Variants in SLC3A1 observed in about 807,000 individuals in gnomAD.
The protein encoded by SLC3A1 is amino acid transporter heavy chain SLC3A1.
SLC3A1 carries 78 observed loss-of-function variants against 60.3 expected under a neutral mutation model. That is an observed-to-expected ratio of 1.29 (90% confidence interval 1.08 to 1.56). The LOEUF (loss-of-function observed/expected upper bound fraction) is 1.56, where lower values mean the gene tolerates loss of function less well. Among genes scored for constraint, SLC3A1 ranks in the 40% most tolerant of loss-of-function variants. The probability of loss-of-function intolerance (pLI) is 0.00; values close to 1 mark genes in which losing one functional copy is unlikely to be tolerated. For missense variants in SLC3A1, 1,172 were observed against 858.9 expected (o/e 1.36, Z -4.56); for synonymous variants, 392 against 307.9 (o/e 1.27, Z -2.86).
chr2:44,322,380 A>C (rs1407795217), downstream of SLC3A1, among the ~76,000 whole-genome samples: 1 of 152,232 alleles, frequency 6.6e-6, no homozygotes, highest in East Asian at 1.9e-4. Flanking sequence ...CAAAAATCTC[A>C]GAATCTGTCT....
chr2:44,281,278 C>A, intron 2 of SLC3A1, 109 bp from the exon 3 acceptor site: 1 of 948,284 alleles, frequency 1.1e-6, no homozygotes. Flanking sequence ...CCTACCTTAG[C>A]CTCCCAGTGT....
chr2:44,303,251 T>TTG (rs1485300431), intron 6 of SLC3A1, among the ~76,000 whole-genome samples: 14 of 150,246 alleles, frequency 9.3e-5, no homozygotes, highest in African/African-American at 3.2e-4. Context: ...TCCAATTTTT[T>TTG]TTTTTTTTTT....
chr2:44,309,120 TAC>T (rs1360310647), intron 7 of SLC3A1, among the ~76,000 whole-genome samples: 1 of 152,208 alleles, frequency 6.6e-6, no homozygotes, highest in African/African-American at 2.4e-5. Flanking sequence ...ATGCATTAAA[TAC>T]ATTCAAAATG....
downstream of SLC3A1, chr2:44,321,525 C>A: frequency 6.5e-7 from 1 of 1,545,846 alleles, no homozygotes; most frequent in South Asian, 1.2e-5. Flanking sequence ...TTTATCTATC[C>A]ATCTTTACCT....
chr2:44,284,139 G>A (rs1671558841), intron 3 of SLC3A1, among the ~76,000 whole-genome samples: 1 of 152,044 alleles, frequency 6.6e-6, no homozygotes, highest in Non-Finnish European at 1.5e-5. Context: ...GACTGCAGTG[G>A]CGTGATCTTG....
At chr2:44,303,921 T>A in intron 6 of SLC3A1, 1 of 621,096 alleles carries the variant, frequency 1.6e-6, no homozygotes, top group Non-Finnish European at 2.9e-6. Context: ...CATCCTTTTT[T>A]ATGGCTGCAT....
At chr2:44,313,974 T>C (rs765108377) in intron 9 of SLC3A1, 23 bp downstream of exon 9, 5 of 1,613,938 alleles carry the variant, frequency 3.1e-6, no homozygotes, top group Non-Finnish European at 4.2e-6. Flanking sequence ...GAAAATTTTA[T>C]GTTGATTCTA....
intron 7 of SLC3A1, 105 bp from the exon 8 acceptor site, chr2:44,312,481 C>T (rs1672322496): frequency 8.2e-7 from 1 of 1,213,648 alleles, no homozygotes; most frequent in South Asian, 1.2e-5. Flanking sequence ...TACCAAGGTA[C>T]CACATCTACT....
At chr2:44,296,500 G>C (rs1014983981) in intron 4 of SLC3A1, among the ~76,000 whole-genome samples, 2 of 152,172 alleles carry the variant, frequency 1.3e-5, no homozygotes, top group Non-Finnish European at 2.9e-5. Flanking sequence ...ACTGGGTAGA[G>C]ATTACTGGAG....
chr2:44,290,123 C>CTT (rs34642873), intron 4 of SLC3A1, among the ~76,000 whole-genome samples: 4,055 of 131,000 alleles, frequency 0.031, 96 homozygotes, highest in African/African-American at 0.049. Context: ...AGCTGTCCGA[C>CTT]TTTTTTTTTT....
At chr2:44,276,951 G>A (rs921759830) in intron 1 of SLC3A1, among the ~76,000 whole-genome samples, 3 of 152,102 alleles carry the variant, frequency 2.0e-5, no homozygotes, top group Non-Finnish European at 4.4e-5. Context: ...TAATTGGTTT[G>A]AAGAAAACAA....
intron 1 of SLC3A1, among the ~76,000 whole-genome samples, chr2:44,276,295 G>A (rs374537780): frequency 2.0e-5 from 3 of 152,060 alleles, no homozygotes; most frequent in African/African-American, 7.2e-5. Flanking sequence ...CTGTTTCTGG[G>A]GACTTTATAG....
intron 1 of SLC3A1, among the ~76,000 whole-genome samples, chr2:44,278,254 C>G (rs1671395219): frequency 6.6e-6 from 1 of 151,810 alleles, no homozygotes; most frequent in African/African-American, 2.4e-5. Flanking sequence ...ACCATCCTGG[C>G]TAACACGGTG....
At chr2:44,309,787 T>A (rs1672248931) in intron 7 of SLC3A1, among the ~76,000 whole-genome samples, 1 of 152,158 alleles carries the variant, frequency 6.6e-6, no homozygotes, top group African/African-American at 2.4e-5. Context: ...TTAGTAGAAA[T>A]GGGGTTTTAC....
intron 4 of SLC3A1, among the ~76,000 whole-genome samples, chr2:44,293,092 C>T (rs1671774427): frequency 6.6e-6 from 1 of 151,938 alleles, no homozygotes; most frequent in Non-Finnish European, 1.5e-5. Context: ...TCCCAGGTTT[C>T]AGATTTGAAT....
chr2:44,319,371 TTAAG>T (rs1273243078), intron 9 of SLC3A1: 3 of 152,672 alleles, frequency 2.0e-5, no homozygotes, highest in African/African-American at 2.4e-5. Flanking sequence ...ATAATCTATC[TTAAG>T]TAATACAAAA....
chr2:44,315,980 C>G (rs1337934106), intron 9 of SLC3A1, among the ~76,000 whole-genome samples: 2 of 152,140 alleles, frequency 1.3e-5, no homozygotes, highest in African/African-American at 4.8e-5. Context: ...AGCTCAGAGT[C>G]ACAGACACCA....
downstream of SLC3A1, among the ~76,000 whole-genome samples, chr2:44,322,229 G>C (rs1378074036): frequency 6.6e-6 from 1 of 152,128 alleles, no homozygotes; most frequent in Admixed American, 6.6e-5. Context: ...GGATGGGGGT[G>C]ACAAATGGAG....
At chr2:44,298,961 T>G (rs1275789827) in intron 4 of SLC3A1, among the ~76,000 whole-genome samples, 1 of 152,148 alleles carries the variant, frequency 6.6e-6, no homozygotes, top group East Asian at 1.9e-4. Context: ...AACCTGGATT[T>G]TTAGCTTAAC....
Sources: allele counts gnomAD v4.1 joint callset (sites outside exome capture counted in the v4.1 genomes callset), GRCh38; gene constraint gnomAD v4.1.1; transcripts MANE v1.5; gene names NCBI Gene and HGNC (gene_info 2026-07-23, HGNC 2026-07-21).